FAM193A: variants seen among roughly 807,000 people sequenced by gnomAD.
The protein encoded by FAM193A is family with sequence similarity 193 member A.
Under a neutral mutation model 126.5 loss-of-function variants are expected in FAM193A, and 22 were observed. The observed-to-expected ratio is 0.17, with a 90% CI of 0.12 to 0.25. The LOEUF (loss-of-function observed/expected upper bound fraction) is 0.25, where lower values mean the gene tolerates loss of function less well. Ranked by LOEUF, FAM193A falls within the 10% of genes least tolerant of loss-of-function variation. The probability of loss-of-function intolerance (pLI) is 1.00; values close to 1 mark genes in which losing one functional copy is unlikely to be tolerated. For missense variants in FAM193A, 1,675 were observed against 1,672.8 expected (o/e 1.00, Z -0.02); for synonymous variants, 761 against 646.8 (o/e 1.18, Z -2.68).
At chr4:2,592,042 T>G (rs1740598044) in intron 1 of FAM193A, among the ~76,000 whole-genome samples, 1 of 152,196 alleles carries the variant, frequency 6.6e-6, no homozygotes, top group Non-Finnish European at 1.5e-5. Flanking sequence ...ATCTATGTGT[T>G]TGTAGGATTT....
chr4:2,640,881 C>G (rs1744553208), intron 6 of FAM193A, among the ~76,000 whole-genome samples: 1 of 151,430 alleles, frequency 6.6e-6, no homozygotes, highest in Admixed American at 6.6e-5. Context: ...AAGAGAATTG[C>G]TTGAACCCCA....
At chr4:2,669,292 T>C (rs1713516422) in intron 12 of FAM193A, among the ~76,000 whole-genome samples, 1 of 152,188 alleles carries the variant, frequency 6.6e-6, no homozygotes. Flanking sequence ...AATTCTGTTT[T>C]TGTGTAAATG....
rs147297577 is a variant in FAM193A, at chr4:2,693,686, G to T, written c.2904G>T (p.Ser968=). The stretch of plus-strand genomic sequence containing the variant: ...GCTTGGCCCCCCTCCCAGCGCTCTC[G>T]CCTGCTGCGCTGTCACCTGCTGCGC... ...PTGLAPLPAL[S]PAALSPAALS... The change falls in exon 16 of 21, where the codon TCG becomes TCT. Residue 968 remains serine, a synonymous_variant. Transcript: ENST00000637812. The T allele has an allele frequency of 6.2e-6, 10 of 1,613,828 alleles. No homozygotes were observed. Among genetic ancestry groups the T allele is most frequent in the East Asian group, 2.2e-5 (1 of 44,880 alleles).
chr4:2,589,078 T>A (rs1275876641), intron 1 of FAM193A, among the ~76,000 whole-genome samples: 1 of 152,262 alleles, frequency 6.6e-6, no homozygotes, highest in Non-Finnish European at 1.5e-5. Context: ...AGACATGTTC[T>A]GAGGCTGGCT....
chr4:2,600,475 G>A (rs1741132983), intron 2 of FAM193A, among the ~76,000 whole-genome samples: 2 of 152,144 alleles, frequency 1.3e-5, no homozygotes, highest in African/African-American at 4.8e-5. Flanking sequence ...CCATGCATGG[G>A]CATCTAGTGC....
chr4:2,598,953 C>G (rs1376825690), intron 2 of FAM193A, among the ~76,000 whole-genome samples: 6 of 152,200 alleles, frequency 3.9e-5, no homozygotes, highest in Non-Finnish European at 2.9e-5. Context: ...CCACCTCTGC[C>G]CGGTGGCAGC....
chr4:2,673,152 G>A (rs1326630517), intron 13 of FAM193A, among the ~76,000 whole-genome samples: 1 of 151,690 alleles, frequency 6.6e-6, no homozygotes. Context: ...CCGTAATTCT[G>A]ATTGTTTTCT....
chr4:2,676,451 T>C (rs1426968468), intron 13 of FAM193A, among the ~76,000 whole-genome samples: 1 of 152,236 alleles, frequency 6.6e-6, no homozygotes, highest in African/African-American at 2.4e-5. Flanking sequence ...GTTCATTGAC[T>C]ATTCGTATAT....
Position 2,614,150 on chromosome 4 carries a change from A to AT in FAM193A, c.502-11106dup, listed in dbSNP as rs552238558. Among the ~76,000 whole-genome samples, 60 of 152,054 alleles carry AT rather than the reference A, an allele frequency of 3.9e-4. No homozygotes were observed. In the East Asian group the frequency reaches 0.011, roughly 28 times the overall value. Reference sequence around the variant, plus strand: ...CTTCCTTTGCAATCTGTGTATCTTCATTTTTTCTTGCCCAATTCCACTGAC... The same window carrying AT: ...CTTCCTTTGCAATCTGTGTATCTTCATTTTTTTCTTGCCCAATTCCACTGAC... On this transcript the variant is annotated intron_variant, in intron 2 of 20. Transcript: ENST00000637812.
chr4:2,575,368 G>A (rs1174044803), intron 1 of FAM193A, among the ~76,000 whole-genome samples: 1 of 152,082 alleles, frequency 6.6e-6, no homozygotes, highest in African/African-American at 2.4e-5. Flanking sequence ...AGGATCAGGA[G>A]CATGGACTTC....
chr4:2,588,533 G>T lies in FAM193A; in HGVS notation c.256-7551G>T, dbSNP rs547855690. On this transcript the variant is annotated intron_variant, in intron 1 of 20. Coordinates refer to ENST00000637812, the MANE Select transcript of FAM193A (RefSeq NM_001366318.2). Reference sequence around the variant, plus strand: ...GCACAGGTGATGGTGATGGATGAGGGTCTGATGATGGGGACCTCCCCATCA... The same window carrying T: ...GCACAGGTGATGGTGATGGATGAGGTTCTGATGATGGGGACCTCCCCATCA... 2.6e-3 allele frequency among the ~76,000 whole-genome samples: 403 copies of T among 152,238 alleles called. 1 individual carries two copies. Among genetic ancestry groups the T allele is most frequent in the South Asian group, 0.011 (54 of 4,824 alleles).
intron 1 of FAM193A, among the ~76,000 whole-genome samples, chr4:2,555,045 G>A (rs1201934721): frequency 2.0e-5 from 3 of 152,230 alleles, no homozygotes; most frequent in East Asian, 3.9e-4. Context: ...ATTGTAATGT[G>A]TATGTGAAAT....
At chr4:2,587,194 C>CT (rs1340560710) in intron 1 of FAM193A, among the ~76,000 whole-genome samples, 1 of 152,124 alleles carries the variant, frequency 6.6e-6, no homozygotes, top group Non-Finnish European at 1.5e-5. Flanking sequence ...GTTTTTTCCA[C>CT]TTACGGCACA....
chr4:2,726,778 CA>C (rs71589604), intron 20 of FAM193A, among the ~76,000 whole-genome samples: 1,266 of 44,964 alleles, frequency 0.028, 17 homozygotes, highest in African/African-American at 0.087. Context: ...CTAAAAATAC[CA>C]AAAAAAAAAA....
At chr4:2,714,797 C>T (rs1439944231) in intron 19 of FAM193A, among the ~76,000 whole-genome samples, 2 of 152,202 alleles carry the variant, frequency 1.3e-5, no homozygotes, top group African/African-American at 4.8e-5. Context: ...AAAATTGTCC[C>T]GTGTTGAGGG....
At position 2,607,338 on chromosome 4, in the gene FAM193A, T is replaced by C. The variant is rs143980959; in HGVS notation, c.501+11009T>C. The stretch of plus-strand genomic sequence containing the variant: ...TGCTCCTGCTGTCTTCGTCCTTGCA[T>C]TGGTGTTTCACTCTTTTCCCCACCA... On this transcript the variant is annotated intron_variant, in intron 2 of 20. Coordinates refer to ENST00000637812, the MANE Select transcript of FAM193A (RefSeq NM_001366318.2). Among the ~76,000 whole-genome samples, 4 of 152,342 alleles carry C rather than the reference T, an allele frequency of 2.6e-5. No homozygotes were observed. The East Asian group carries it at 7.7e-4, about 29-fold the overall frequency.
chr4:2,627,303 G>A (rs1367142081), intron 4 of FAM193A, among the ~76,000 whole-genome samples: 1 of 151,912 alleles, frequency 6.6e-6, no homozygotes, highest in Non-Finnish European at 1.5e-5. Context: ...TGGGATTACA[G>A]GTGCCCACCA....
chr4:2,539,130 G>A (rs568258707), intron 1 of FAM193A, among the ~76,000 whole-genome samples: 1 of 152,018 alleles, frequency 6.6e-6, no homozygotes. Context: ...CTGACCTCCT[G>A]ATCCACCTGC....
intron 20 of FAM193A, among the ~76,000 whole-genome samples, chr4:2,721,811 TCTC>T (rs1720191896): frequency 6.6e-6 from 1 of 152,182 alleles, no homozygotes; most frequent in Admixed American, 6.5e-5. Flanking sequence ...GACTAGAGGT[TCTC>T]CTGCATGTCC....
Sources: gnomAD v4.1 joint callset for allele counts (sites outside exome capture counted in the v4.1 genomes callset) on GRCh38, gnomAD v4.1.1 for gene constraint, MANE v1.5 for transcripts, NCBI Gene and HGNC (gene_info 2026-07-23, HGNC 2026-07-21) for gene names.